Variants in AGBL4 observed in about 807,000 individuals in gnomAD.
AGBL4 encodes AGBL carboxypeptidase 4, also known as cytosolic carboxypeptidase 6.
In AGBL4, 58 loss-of-function variants were observed where a neutral mutation model predicts 66.4. The ratio of observed to expected loss-of-function variants is 0.87; its 90% CI spans 0.71 to 1.09. The LOEUF (loss-of-function observed/expected upper bound fraction) is 1.09. AGBL4 is among the 50% of genes least tolerant of loss of function. The probability of loss-of-function intolerance (pLI) is 0.00; values close to 1 mark genes in which losing one functional copy is unlikely to be tolerated. For missense variants in AGBL4, 579 were observed against 631.0 expected, an observed-to-expected ratio of 0.92 and a Z score of 0.88; for synonymous variants, 234 against 222.9, an observed-to-expected ratio of 1.05 and a Z score of -0.44.
chr1:49,089,281 GA>G (rs1004568490), intron 4 of AGBL4, among the ~76,000 whole-genome samples: 4 of 147,762 alleles, frequency 2.7e-5, no homozygotes, highest in South Asian at 2.2e-4. Context: ...ATTGAGATGG[GA>G]AAAAAAAACA....
chr1:49,214,365 A>G (rs1648906997), intron 4 of AGBL4, among the ~76,000 whole-genome samples: 1 of 152,124 alleles, frequency 6.6e-6, no homozygotes, highest in Non-Finnish European at 1.5e-5. Flanking sequence ...TATGTGGTAA[A>G]CAATTTGAAT....
At chr1:49,011,920 T>C (rs1361371141) in intron 5 of AGBL4, among the ~76,000 whole-genome samples, 1 of 149,302 alleles carries the variant, frequency 6.7e-6, no homozygotes, top group East Asian at 2.0e-4. Flanking sequence ...TTGGGAGATA[T>C]ACCTAATGCT....
At chr1:48,881,652 A>T (rs1649796783) in intron 5 of AGBL4, among the ~76,000 whole-genome samples, 1 of 136,818 alleles carries the variant, frequency 7.3e-6, no homozygotes, top group South Asian at 2.4e-4. Flanking sequence ...ACCAGAGTTT[A>T]AGGATTCTCT....
At chr1:49,471,494 T>C (rs1646744086) in intron 3 of AGBL4, among the ~76,000 whole-genome samples, 2 of 151,704 alleles carry the variant, frequency 1.3e-5, no homozygotes, top group African/African-American at 4.8e-5. Flanking sequence ...ACAACGAACA[T>C]AATAAGACTC....
chr1:49,232,076 G>A (rs1373874133), intron 4 of AGBL4, among the ~76,000 whole-genome samples: 1 of 152,096 alleles, frequency 6.6e-6, no homozygotes, highest in Non-Finnish European at 1.5e-5. Flanking sequence ...CTGGGAGGTT[G>A]GGTAAGTGGG....
intron 11 of AGBL4, among the ~76,000 whole-genome samples, chr1:48,554,827 G>C (rs1036777994): frequency 4.6e-5 from 7 of 152,186 alleles, no homozygotes; most frequent in African/African-American, 1.7e-4. Flanking sequence ...CAAGCGGACG[G>C]TTAGGACTTA....
intron 6 of AGBL4, among the ~76,000 whole-genome samples, chr1:48,721,864 C>T (rs1184185533): frequency 1.3e-5 from 2 of 152,190 alleles, no homozygotes; most frequent in Non-Finnish European, 2.9e-5. Context: ...TAATAGGTCT[C>T]TGACTTTTGT....
At chr1:48,664,747 A>G (rs913835487) in intron 6 of AGBL4, among the ~76,000 whole-genome samples, 1 of 152,234 alleles carries the variant, frequency 6.6e-6, no homozygotes, top group African/African-American at 2.4e-5. Flanking sequence ...GTGCAAAGAT[A>G]TCATCAGACA....
chr1:49,320,543 C>A (rs574378390), intron 3 of AGBL4, among the ~76,000 whole-genome samples: 2 of 152,072 alleles, frequency 1.3e-5, no homozygotes, highest in African/African-American at 2.4e-5. Flanking sequence ...TATGAAAATG[C>A]GAGATCTCCT....
At chr1:49,328,925 T>C (rs142230335) in intron 3 of AGBL4, among the ~76,000 whole-genome samples, 3 of 152,334 alleles carry the variant, frequency 2.0e-5, no homozygotes, top group African/African-American at 7.2e-5. Flanking sequence ...TATTAAAAAT[T>C]ATGATATATG....
chr1:49,649,920 T>C (rs1385423079), intron 3 of AGBL4, among the ~76,000 whole-genome samples: 3 of 152,026 alleles, frequency 2.0e-5, no homozygotes, highest in African/African-American at 4.8e-5. Context: ...CAAGAGAATA[T>C]AAGAAATATT....
chr1:48,882,267 T>C lies in AGBL4; in HGVS notation c.595-15037A>G, dbSNP rs905136363. On this transcript the variant is annotated intron_variant, in intron 5 of 13. Coordinates refer to ENST00000371839, the MANE Select transcript of AGBL4 (RefSeq NM_032785.4). Reference sequence around the variant, plus strand: ...GCCACCACTCCCCTGTGAGTCAAAGTTCCTGATTAGGCAGGCTGATCTTCT... The same window carrying C: ...GCCACCACTCCCCTGTGAGTCAAAGCTCCTGATTAGGCAGGCTGATCTTCT... 1.8e-4 allele frequency among the ~76,000 whole-genome samples: 28 copies of C among 152,222 alleles called. 1 individual carries two copies. The highest frequency in any genetic ancestry group is 3.2e-4 in the Non-Finnish European group (22 of 68,024).
intron 2 of AGBL4, among the ~76,000 whole-genome samples, chr1:49,767,787 A>T (rs182178613): frequency 1.6e-3 from 237 of 152,086 alleles, no homozygotes; most frequent in African/African-American, 4.6e-3. Flanking sequence ...CAAAGAAATT[A>T]AAAAAAGACC....
At chr1:49,891,637 A>T (rs1040489601) in intron 1 of AGBL4, among the ~76,000 whole-genome samples, 1 of 152,212 alleles carries the variant, frequency 6.6e-6, no homozygotes, top group Non-Finnish European at 1.5e-5. Flanking sequence ...AGTAAAAATT[A>T]CGTTGGTGAA....
chr1:49,963,331 G>C (rs1359934472), intron 1 of AGBL4, among the ~76,000 whole-genome samples: 1 of 152,090 alleles, frequency 6.6e-6, no homozygotes, highest in African/African-American at 2.4e-5. Flanking sequence ...GAAGCAGTGA[G>C]TGTTTGCTAG....
intron 2 of AGBL4, among the ~76,000 whole-genome samples, chr1:49,776,964 G>T (rs1422829631): frequency 6.6e-6 from 1 of 152,052 alleles, no homozygotes; most frequent in African/African-American, 2.4e-5. Context: ...AGGGAAAATA[G>T]CATTCTAGCA....
intron 5 of AGBL4, among the ~76,000 whole-genome samples, chr1:48,887,660 T>C (rs1207347664): frequency 2.0e-5 from 3 of 152,172 alleles, no homozygotes; most frequent in Non-Finnish European, 2.9e-5. Context: ...CTAACACCCT[T>C]GGCCTAAACT....
chr1:49,944,398 T>C (rs1284103142), intron 1 of AGBL4, among the ~76,000 whole-genome samples: 1 of 151,988 alleles, frequency 6.6e-6, no homozygotes, highest in Non-Finnish European at 1.5e-5. Context: ...CAACCCCCAG[T>C]AACAGCCCAA....
At chr1:49,610,302 C>G (rs912879944) in intron 3 of AGBL4, among the ~76,000 whole-genome samples, 1 of 151,986 alleles carries the variant, frequency 6.6e-6, no homozygotes, top group African/African-American at 2.4e-5. Context: ...AACTAAAGTT[C>G]AAAAATATGA....
Sources: gnomAD v4.1 joint callset for allele counts (sites outside exome capture counted in the v4.1 genomes callset) on GRCh38, gnomAD v4.1.1 for gene constraint, MANE v1.5 for transcripts, NCBI Gene and HGNC (gene_info 2026-07-23, HGNC 2026-07-21) for gene names.